Variants in IMMP1L observed in about 807,000 individuals in gnomAD.
The protein encoded by IMMP1L is mitochondrial inner membrane protease subunit 1.
A neutral mutation model predicts 21.8 loss-of-function variants in IMMP1L; 24 were observed. That is an observed-to-expected ratio of 1.10 (90% confidence interval 0.80 to 1.55). The LOEUF (loss-of-function observed/expected upper bound fraction) is 1.55. Ranked by LOEUF, IMMP1L falls within the 40% of genes most tolerant of loss-of-function variation. IMMP1L has a pLI of 0.00. For missense variants in IMMP1L, 195 were observed against 200.7 expected (o/e 0.97, Z 0.17); for synonymous variants, 46 against 62.8 (o/e 0.73, Z 1.26).
intron 1 of IMMP1L, among the ~76,000 whole-genome samples, chr11:31,497,345 T>A (rs926672526): frequency 3.3e-5 from 5 of 152,076 alleles, no homozygotes; most frequent in Non-Finnish European, 5.9e-5. Flanking sequence ...TGATTCCACT[T>A]ATATGAGGTG....
intron 1 of IMMP1L, among the ~76,000 whole-genome samples, chr11:31,484,995 G>T (rs911066166): frequency 3.3e-5 from 5 of 151,834 alleles, no homozygotes; most frequent in Non-Finnish European, 7.4e-5. Flanking sequence ...GCAACTGTTT[G>T]TCTTTCTAAT....
intron 4 of IMMP1L, among the ~76,000 whole-genome samples, chr11:31,438,073 G>C (rs1323995557): frequency 2.0e-5 from 3 of 152,104 alleles, no homozygotes; most frequent in Non-Finnish European, 4.4e-5. Context: ...TTTTCAGTAA[G>C]TATCTAAGGG....
intron 4 of IMMP1L, among the ~76,000 whole-genome samples, chr11:31,434,856 A>C (rs1276967612): frequency 6.6e-6 from 1 of 152,216 alleles, no homozygotes; most frequent in Non-Finnish European, 1.5e-5. Context: ...TAGTTTGTCC[A>C]AGGGCCAATA....
intron 3 of IMMP1L, among the ~76,000 whole-genome samples, chr11:31,456,597 T>C (rs977451507): frequency 6.6e-6 from 1 of 152,076 alleles, no homozygotes; most frequent in Non-Finnish European, 1.5e-5. Flanking sequence ...ATAAAAAGGC[T>C]ATCTAAAATT....
chr11:31,466,468 G>A lies in IMMP1L; in HGVS notation c.-29-3163C>T, dbSNP rs1223069. Among the ~76,000 whole-genome samples, 744 of 152,122 alleles carry A rather than the reference G, an allele frequency of 4.9e-3. 3 individuals carry two copies. The highest frequency in any genetic ancestry group is 8.4e-3 in the Admixed American group (129 of 15,276). The stretch of plus-strand genomic sequence containing the variant: ...CCTGCATCCTCATGTTTATTGCAGC[G>A]TAGCTACTATTCACAATAGCTAAGA... On this transcript the variant is annotated intron_variant, in intron 1 of 5. Transcript: ENST00000532287.
At chr11:31,453,016 T>C in intron 4 of IMMP1L, 1 of 1,219,170 alleles carries the variant, frequency 8.2e-7, no homozygotes, top group Non-Finnish European at 1.1e-6. Flanking sequence ...CCTCTCAAAG[T>C]GCTGGGATTA....
intron 2 of IMMP1L, among the ~76,000 whole-genome samples, chr11:31,460,965 A>C (rs776280159): frequency 1.3e-5 from 2 of 152,150 alleles, no homozygotes; most frequent in Non-Finnish European, 2.9e-5. Flanking sequence ...AACATTACCT[A>C]TGTTTCCAAA....
At chr11:31,451,374 CA>C (rs2133606268) in intron 4 of IMMP1L, among the ~76,000 whole-genome samples, 1 of 152,150 alleles carries the variant, frequency 6.6e-6, no homozygotes, top group South Asian at 2.1e-4. Context: ...ATTATTGCAA[CA>C]AAATGAGAGA....
chr11:31,505,510 T>G (rs1353431854), intron 1 of IMMP1L, among the ~76,000 whole-genome samples: 1 of 152,238 alleles, frequency 6.6e-6, no homozygotes, highest in Non-Finnish European at 1.5e-5. Context: ...TCAAGACTGC[T>G]GTGACTTCTT....
At chr11:31,471,492 T>C (rs1954548687) in intron 1 of IMMP1L, among the ~76,000 whole-genome samples, 1 of 152,064 alleles carries the variant, frequency 6.6e-6, no homozygotes, top group African/African-American at 2.4e-5. Context: ...AATATATATA[T>C]TTAGATGCTA....
intron 4 of IMMP1L, among the ~76,000 whole-genome samples, chr11:31,451,108 C>T (rs1232887862): frequency 2.0e-5 from 3 of 152,214 alleles, no homozygotes; most frequent in South Asian, 2.1e-4. Context: ...TATTGTGTTC[C>T]AATGACACAA....
intron 4 of IMMP1L, among the ~76,000 whole-genome samples, chr11:31,448,221 A>AT (rs1953606157): frequency 6.6e-6 from 1 of 152,206 alleles, no homozygotes; most frequent in African/African-American, 2.4e-5. Flanking sequence ...AGGCAGGAGA[A>AT]TTGCTTGAAC....
chr11:31,482,207 C>T (rs938742357), intron 1 of IMMP1L, among the ~76,000 whole-genome samples: 9 of 152,054 alleles, frequency 5.9e-5, no homozygotes, highest in African/African-American at 2.2e-4. Context: ...CACTGCAAAA[C>T]TCCATAATAT....
chr11:31,479,543 A>C (rs1483011440), intron 1 of IMMP1L, among the ~76,000 whole-genome samples: 1 of 152,062 alleles, frequency 6.6e-6, no homozygotes, highest in Non-Finnish European at 1.5e-5. Context: ...ATACTTTAGA[A>C]CTATACTGTT....
At chr11:31,467,347 T>C (rs919686339) in intron 1 of IMMP1L, among the ~76,000 whole-genome samples, 2 of 152,154 alleles carry the variant, frequency 1.3e-5, no homozygotes, top group Non-Finnish European at 2.9e-5. Flanking sequence ...ATAGTACTTA[T>C]GAGCACACTT....
intron 1 of IMMP1L, among the ~76,000 whole-genome samples, chr11:31,492,582 A>G (rs1955292621): frequency 6.6e-6 from 1 of 152,202 alleles, no homozygotes; most frequent in African/African-American, 2.4e-5. Context: ...GGTAAGCTTA[A>G]TCATTTCTAG....
chr11:31,456,062 T>C (rs1170728117), intron 4 of IMMP1L, among the ~76,000 whole-genome samples, 198 bp downstream of exon 4: 1 of 152,214 alleles, frequency 6.6e-6, no homozygotes, highest in Admixed American at 6.5e-5. Flanking sequence ...TACTAAGATG[T>C]TTATGCAGGG....
Position 31,460,647 on chromosome 11 carries a change from C to T in IMMP1L, c.173G>A (p.Arg58Gln), listed in dbSNP as rs778072033. Reference sequence around the variant, plus strand: ...TTACCTTTGGATACCATAAAAATGTCGACTAAGATTTTCTGCAAAGACAAT... The same window carrying T: ...TTACCTTTGGATACCATAAAAATGTTGACTAAGATTTTCTGCAAAGACAAT... ...SDIVFAENLSRHFYGIQRGDI... is the reference protein window; with the variant it reads ...SDIVFAENLSQHFYGIQRGDI... Residue 58 changes from arginine to glutamine, a missense_variant, in exon 3 of 6, where the codon CGA (arginine) becomes CAA (glutamine). Arg to Gln is a conservative substitution (Grantham distance 43). Coordinates refer to ENST00000532287, the MANE Select transcript of IMMP1L (RefSeq NM_001304274.2). 9 of 1,606,680 alleles carry T rather than the reference C, an allele frequency of 5.6e-6. No homozygotes were observed. Among genetic ancestry groups the T allele is most frequent in the African/African-American group, 5.3e-5 (4 of 74,808 alleles).
intron 3 of IMMP1L, among the ~76,000 whole-genome samples, chr11:31,457,841 C>A (rs1387527930): frequency 6.6e-6 from 1 of 152,182 alleles, no homozygotes; most frequent in Non-Finnish European, 1.5e-5. Flanking sequence ...TGAGGCTATT[C>A]TTGGTAAGAG....
Sources: gnomAD v4.1 joint callset for allele counts (sites outside exome capture counted in the v4.1 genomes callset) on GRCh38, gnomAD v4.1.1 for gene constraint, MANE v1.5 for transcripts, NCBI Gene and HGNC (gene_info 2026-07-23, HGNC 2026-07-21) for gene names.